The following MCM3 variants were observed in gnomAD, a reference collection of about 807,000 sequenced individuals.
MCM3 encodes the protein minichromosome maintenance complex component 3.
A neutral mutation model predicts 91.3 loss-of-function variants in MCM3; 59 were observed. That is an observed-to-expected ratio of 0.65 (90% CI 0.52 to 0.80). MCM3 has a LOEUF of 0.80. MCM3 is among the 30% of genes least tolerant of loss of function. The pLI, the probability that MCM3 is intolerant of heterozygous loss-of-function variation, is 0.00. For synonymous variants in MCM3, 383 were observed against 379.6 expected, an observed-to-expected ratio of 1.01 and a Z score of -0.10; for missense variants, 919 against 1,035.4, an observed-to-expected ratio of 0.89 and a Z score of 1.54.
Position 52,280,355 on chromosome 6 carries a change from T to TA in MCM3, c.532-757dup, listed in dbSNP as rs555854797. 7.7e-4 allele frequency among the ~76,000 whole-genome samples: 117 copies of TA among 152,374 alleles called. 1 individual carries two copies. Among genetic ancestry groups the TA allele is most frequent in the African/African-American group, 2.6e-3 (110 of 41,604 alleles). ...TTACTTCCTTCACATTTGAATTTTC[T>TA]AAAAACACAGTTGTCACTTATTGAG... On this transcript the variant is annotated intron_variant, in intron 4 of 16. Transcript: ENST00000596288.
At chr6:52,271,949 T>TG (rs3215540) in intron 12 of MCM3, among the ~76,000 whole-genome samples, 8,787 of 152,314 alleles carry the variant, frequency 0.058, 336 homozygotes, top group East Asian at 0.13. Context: ...TATCTACCTT[T>TG]GTGCTTCCCC....
At chr6:52,266,794 G>A (rs927883587) in intron 14 of MCM3, 98 bp from the exon 15 acceptor site, 5 of 900,894 alleles carry the variant, frequency 5.6e-6, no homozygotes, top group East Asian at 2.4e-5. Context: ...AAAGGAAACA[G>A]AACCACTAAG....
At chr6:52,267,093 C>CTTATTTTT (rs1562373623) in intron 14 of MCM3, among the ~76,000 whole-genome samples, 1 of 78,478 alleles carries the variant, frequency 1.3e-5, no homozygotes. Context: ...CCCAGGGTAT[C>CTTATTTTT]TTCTTTTTTT....
chr6:52,283,428 T>TC, intron 1 of MCM3, 22 bp from the exon 2 acceptor site: 1 of 1,481,640 alleles, frequency 6.7e-7, no homozygotes. Flanking sequence ...CCACCACATA[T>TC]CACCATAGCC....
intron 2 of MCM3, 63 bp downstream of exon 2, chr6:52,283,231 A>C: frequency 7.3e-7 from 1 of 1,366,094 alleles, no homozygotes; most frequent in South Asian, 1.2e-5. Context: ...AGGCTGTTCC[A>C]ATCTGGCCAA....
chr6:52,284,402 C>T (rs1320159465), intron 1 of MCM3, among the ~76,000 whole-genome samples, 195 bp downstream of exon 1: 1 of 152,204 alleles, frequency 6.6e-6, no homozygotes, highest in Non-Finnish European at 1.5e-5. Flanking sequence ...AAGCTGGCTT[C>T]CTAAGAGTTC....
At chr6:52,278,005 T>C (rs1581736577) in intron 6 of MCM3, among the ~76,000 whole-genome samples, 1 of 132,610 alleles carries the variant, frequency 7.5e-6, no homozygotes, top group African/African-American at 2.9e-5. Context: ...GAGGCGGAGG[T>C]TGCAGTGAGC....
chr6:52,284,574 C>T, intron 1 of MCM3, 23 bp downstream of exon 1: 2 of 1,588,324 alleles, frequency 1.3e-6, no homozygotes, highest in East Asian at 2.3e-5. Context: ...GCGCTAGAGC[C>T]CGCGCGCCGG....
At chr6:52,276,959 G>A (rs140892757) in intron 8 of MCM3, 108 bp downstream of exon 8, 6 of 1,346,656 alleles carry the variant, frequency 4.5e-6, no homozygotes, top group African/African-American at 4.4e-5. Flanking sequence ...CTATAATCTG[G>A]ACCCAACTAA....
At chr6:52,274,604 C>A (rs540305078) in intron 9 of MCM3, among the ~76,000 whole-genome samples, 95 of 151,966 alleles carry the variant, frequency 6.3e-4, no homozygotes, top group Non-Finnish European at 9.7e-4. Context: ...GGGAGGATCA[C>A]CTGAGCCCAG....
rs1206448208 is a variant in MCM3, at chr6:52,277,539, T to C, written c.1029A>G (p.Leu343=). The C allele has an allele frequency of 1.2e-6, 2 of 1,613,142 alleles. No homozygotes were observed. The highest frequency in any genetic ancestry group is 1.7e-6 in the Non-Finnish European group (2 of 1,179,602). The change falls in exon 7 of 17, where the codon CTA becomes CTG. Residue 343 remains leucine (L), a synonymous_variant. Coordinates refer to ENST00000596288, the MANE Select transcript of MCM3 (RefSeq NM_002388.6). ...SHIRGDINIL[L]IGDPSVAKSQ... ...AGCAAATCCCCAACATCGTACCTAT[T>C]AGAAGAATATTGATGTCCCCACGGA...
At chr6:52,280,636 C>G (rs1372091154) in intron 4 of MCM3, among the ~76,000 whole-genome samples, 1 of 152,338 alleles carries the variant, frequency 6.6e-6, no homozygotes, top group Middle Eastern at 3.4e-3. Flanking sequence ...ATGTATTTCA[C>G]TTTTCAAGTA....
intron 4 of MCM3, 113 bp downstream of exon 4, chr6:52,281,932 T>C (rs1766133817): frequency 9.2e-7 from 1 of 1,091,920 alleles, no homozygotes; most frequent in Non-Finnish European, 1.3e-6. Flanking sequence ...GATTAATCCT[T>C]ATTTTTCACC....
Position 52,284,663 on chromosome 6 carries a change from G to C in MCM3, c.12C>G (p.Thr4=), listed in dbSNP as rs138377544. The change falls in exon 1 of 17, where the codon ACC becomes ACG. Residue 4 remains threonine, a synonymous_variant. Transcript: ENST00000596288. MAG[T]VVLDDVELRE... ...GCAGCTCCACATCGTCCAGCACCAC[G>C]GTACCCGCCATGCCCGCTGCCAAAG... is the stretch of plus-strand genomic sequence containing the variant. The C allele has an allele frequency of 1.4e-5, 22 of 1,589,198 alleles. No individual in the cohort carries two copies. In the African/African-American group the frequency reaches 1.7e-4, roughly 13 times the overall value.
At position 52,278,754 on chromosome 6, in the gene MCM3, T is replaced by C; in HGVS notation, c.867A>G (p.Lys289=). The C allele has an allele frequency of 6.2e-7, 1 of 1,612,666 alleles. No homozygotes were observed. The highest frequency in any genetic ancestry group is 8.5e-7 in the Non-Finnish European group (1 of 1,179,058). The change falls in exon 6 of 17, where the codon AAA becomes AAG. Residue 289 remains lysine (K), a synonymous_variant. Transcript: ENST00000596288. ...EDIAKIKKFS[K]TRSKDIFDQL... ...AGGATGCCCAGACCTTGGATCGGGT[T>C]TTACTGAACTTCTTGATCTTGGCTA...
At chr6:52,274,376 A>G (rs1239100935) in intron 9 of MCM3, among the ~76,000 whole-genome samples, 1 of 152,170 alleles carries the variant, frequency 6.6e-6, no homozygotes, top group African/African-American at 2.4e-5. Context: ...AATGATCTAT[A>G]TATCATAACA....
chr6:52,271,787 T>G (rs1396119921), intron 12 of MCM3, among the ~76,000 whole-genome samples: 1 of 152,232 alleles, frequency 6.6e-6, no homozygotes, highest in African/African-American at 2.4e-5. Context: ...TATCATACTC[T>G]CTGGGAATCC....
chr6:52,282,503 T>C (rs968080299), intron 3 of MCM3, 150 bp downstream of exon 3: 5 of 664,022 alleles, frequency 7.5e-6, no homozygotes, highest in South Asian at 3.8e-5. Flanking sequence ...CCCCCAATCA[T>C]TGTACACACT....
chr6:52,276,152 A>T, intron 9 of MCM3, 116 bp downstream of exon 9: 2 of 906,192 alleles, frequency 2.2e-6, no homozygotes, highest in Non-Finnish European at 3.4e-6. Context: ...AAATGGCCTT[A>T]CTTTTAGTCT....
Sources: allele counts gnomAD v4.1 joint callset (sites outside exome capture counted in the v4.1 genomes callset), GRCh38; gene constraint gnomAD v4.1.1; transcripts MANE v1.5; gene names NCBI Gene and HGNC (gene_info 2026-07-23, HGNC 2026-07-21).